MYO10: variants seen among roughly 807,000 people sequenced by gnomAD.
MYO10 encodes myosin X.
MYO10 carries 133 observed loss-of-function variants against 257.3 expected under a neutral mutation model. The observed-to-expected ratio is 0.52, with a 90% CI of 0.45 to 0.60. MYO10 has a LOEUF of 0.60. Ranked by LOEUF, MYO10 falls within the 20% of genes least tolerant of loss-of-function variation. The probability of loss-of-function intolerance (pLI) is 0.00; values close to 1 mark genes in which losing one functional copy is unlikely to be tolerated. For synonymous variants in MYO10, 1,104 were observed against 1,028.6 expected, an observed-to-expected ratio of 1.07 and a Z score of -1.40; for missense variants, 2,399 against 2,635.7, an observed-to-expected ratio of 0.91 and a Z score of 1.97.
At chr5:16,695,553 C>A (rs257050) in intron 26 of MYO10, among the ~76,000 whole-genome samples, 50,220 of 150,518 alleles carry the variant, frequency 0.33, 8,518 homozygotes, top group African/African-American at 0.38. Context: ...AGCAAGAGTA[C>A]AAACTACACT....
intron 37 of MYO10, among the ~76,000 whole-genome samples, chr5:16,672,221 G>C (rs1736498747): frequency 6.7e-6 from 1 of 148,820 alleles, no homozygotes; most frequent in African/African-American, 2.5e-5. Flanking sequence ...CTTGAACCCA[G>C]AAGGCAGAAG....
intron 3 of MYO10, among the ~76,000 whole-genome samples, chr5:16,797,772 C>A (rs1000995743): frequency 6.6e-6 from 1 of 152,334 alleles, no homozygotes; most frequent in South Asian, 2.1e-4. Flanking sequence ...TAAAAGCAGA[C>A]AGTGGCAGGA....
At chr5:16,741,300 C>T (rs75154925) in intron 19 of MYO10, among the ~76,000 whole-genome samples, 1,663 of 152,310 alleles carry the variant, frequency 0.011, 28 homozygotes, top group African/African-American at 0.038. Context: ...GATGACCATT[C>T]AACTCCGATA....
At chr5:16,786,124 C>T (rs1295303427) in intron 4 of MYO10, among the ~76,000 whole-genome samples, 1 of 11,986 alleles carries the variant, frequency 8.3e-5, no homozygotes, top group African/African-American at 5.5e-4. Context: ...CACCAGGGGC[C>T]GGAGAGGAGC....
intron 2 of MYO10, among the ~76,000 whole-genome samples, chr5:16,850,471 T>A (rs1006810348): frequency 6.6e-6 from 1 of 151,856 alleles, no homozygotes; most frequent in Non-Finnish European, 1.5e-5. Context: ...AGAGATGGGG[T>A]TTCACCATGT....
chr5:16,675,367 T>C (rs977664828), intron 34 of MYO10, among the ~76,000 whole-genome samples: 1 of 152,202 alleles, frequency 6.6e-6, no homozygotes, highest in Non-Finnish European at 1.5e-5. Flanking sequence ...TCTTACCACA[T>C]AAAATGCTTA....
chr5:16,671,120 CT>C (rs1736438915), intron 38 of MYO10, 142 bp from the exon 39 acceptor site: 1 of 818,608 alleles, frequency 1.2e-6, no homozygotes, highest in Non-Finnish European at 1.9e-6. Context: ...ACCCTCACCC[CT>C]GGCTCACTGC....
chr5:16,924,988 A>T (rs750766611), intron 1 of MYO10, among the ~76,000 whole-genome samples: 34 of 151,942 alleles, frequency 2.2e-4, no homozygotes, highest in South Asian at 6.3e-4. Context: ...CCACCACCAC[A>T]CCTGACTAAT....
chr5:16,695,211 G>A (rs572125738), intron 26 of MYO10, among the ~76,000 whole-genome samples: 3 of 152,280 alleles, frequency 2.0e-5, no homozygotes, highest in East Asian at 1.9e-4. Flanking sequence ...GTGCGTGCCT[G>A]TAATCCCAGC....
chr5:16,868,964 C>A (rs745310586), intron 2 of MYO10, among the ~76,000 whole-genome samples: 7 of 152,172 alleles, frequency 4.6e-5, no homozygotes, highest in African/African-American at 1.4e-4. Context: ...TCCTTAAAGA[C>A]TGAATGAAAT....
intron 2 of MYO10, among the ~76,000 whole-genome samples, chr5:16,854,999 C>G (rs961785408): frequency 5.3e-5 from 8 of 152,000 alleles, no homozygotes; most frequent in Middle Eastern, 3.4e-3. Flanking sequence ...CGCCATTGCA[C>G]TCAGCCCAGA....
At position 16,753,259 on chromosome 5, in the gene MYO10, C is replaced by T. The variant is rs557618667; in HGVS notation, c.1929+1569G>A. ...TCAGCTCACTGCAAGCTCCGCCTCC[C>T]GGGTTCAGGCAATTCTCCTGCCTCA... On this transcript the variant is annotated intron_variant, in intron 19 of 40. Coordinates refer to ENST00000513610, the MANE Select transcript of MYO10 (RefSeq NM_012334.3). 1.3e-4 allele frequency among the ~76,000 whole-genome samples: 20 copies of T among 151,978 alleles called. No homozygotes were observed. In the East Asian group the frequency reaches 1.6e-3, roughly 12 times the overall value.
At position 16,675,130 on chromosome 5, in the gene MYO10, T is replaced by C. The variant is rs1307599065; in HGVS notation, c.4687A>G (p.Thr1563Ala). The C allele has an allele frequency of 5.6e-6, 9 of 1,613,760 alleles. No homozygotes were observed. Among genetic ancestry groups the C allele is most frequent in the Non-Finnish European group, 7.6e-6 (9 of 1,179,890 alleles). ...TTGATGGCCTCATCCTGAAGGGTGG[T>C]ATAGCCTTTGTCTTTGAGCACTAGG... Reference protein sequence around the residue: ...NLNLLKDKGYTTLQDEAIKIF... With the variant: ...NLNLLKDKGYATLQDEAIKIF... The change falls in exon 35 of 41, where the codon ACC becomes GCC. Residue 1563 changes from threonine (T) to alanine (A), a missense_variant. This residue lies in a region of MYO10 where 1,820 missense variants were observed against 1,939.4 expected (regional missense o/e 0.94). Transcript: ENST00000513610.
Position 16,694,590 on chromosome 5 carries a change from C to T in MYO10, c.3581G>A (p.Arg1194His), listed in dbSNP as rs765680273. Residue 1194 changes from arginine (R) to histidine (H), a missense_variant, in exon 27 of 41, where the codon CGC (arginine) becomes CAC (histidine). Arg to His is a conservative substitution (Grantham distance 29). Transcript: ENST00000513610. ...TTCATCCTTGAGGACGCACCAGCGG[C>T]GTTTCCAAGAGTTCATCAGGCCACC... ...MKGGLMNSWK[R>H]RWCVLKDETF... 4 of 1,613,722 alleles carry T rather than the reference C, an allele frequency of 2.5e-6. No homozygotes were observed. The highest frequency in any genetic ancestry group is 1.1e-5 in the South Asian group (1 of 91,076).
chr5:16,662,123 A>G lies in MYO10; in HGVS notation c.*4569T>C. 1 of 152,074 alleles carries G rather than the reference A, an allele frequency of 6.6e-6. No homozygotes were observed. The highest frequency in any genetic ancestry group is 1.5e-5 in the Non-Finnish European group (1 of 68,012). The allele number at this position is 152,074 out of a possible 1,614,324, so 9.4% of individuals were successfully genotyped here. On this transcript the variant is annotated 3_prime_UTR_variant, in exon 41 of 41. Coordinates refer to ENST00000513610, the MANE Select transcript of MYO10 (RefSeq NM_012334.3). ...GTACTGGCTAAATTTAGCTTTATGC[A>G]CTTGTTTTGTCCCCTATTACAGTAT...
At chr5:16,896,622 G>A (rs931784646) in intron 1 of MYO10, among the ~76,000 whole-genome samples, 8 of 151,992 alleles carry the variant, frequency 5.3e-5, no homozygotes, top group African/African-American at 1.7e-4. Context: ...GGAAAGAAAT[G>A]GTCTAGAAAG....
At position 16,764,328 on chromosome 5, in the gene MYO10, C is replaced by T. The variant is rs991277740; in HGVS notation, c.1248G>A (p.Lys416=). Residue 416 remains lysine (K), a synonymous_variant, in exon 12 of 41, where the codon AAG becomes AAA. Transcript: ENST00000513610. ...YACCFEWVIK[K]INSRIKGNED... is the part of the protein sequence containing the mutation. ...CATTGCCTTTGATCCTGCTGTTGAT[C>T]TTCTTGATTACCCACTCAAAGCAGC... is the stretch of plus-strand genomic sequence containing the variant. The T allele has an allele frequency of 6.2e-7, 1 of 1,613,906 alleles. No homozygotes were observed. The highest frequency in any genetic ancestry group is 8.5e-7 in the Non-Finnish European group (1 of 1,179,876).
intron 4 of MYO10, among the ~76,000 whole-genome samples, chr5:16,792,132 C>CACACACAG (rs755315207): frequency 2.3e-4 from 17 of 75,290 alleles, no homozygotes; most frequent in African/African-American, 4.9e-4. Context: ...CACACACACA[C>CACACACAG]AGAGAGAGAG....
intron 2 of MYO10, among the ~76,000 whole-genome samples, chr5:16,820,342 C>A (rs1406669490): frequency 6.6e-6 from 1 of 152,166 alleles, no homozygotes; most frequent in Non-Finnish European, 1.5e-5. Context: ...GAGCTACAAC[C>A]AGACAGGTAC....
Sources: allele counts gnomAD v4.1 joint callset (sites outside exome capture counted in the v4.1 genomes callset), GRCh38; gene constraint gnomAD v4.1.1; regional missense constraint gnomAD v4.1.1; transcripts MANE v1.5; gene names NCBI Gene and HGNC (gene_info 2026-07-23, HGNC 2026-07-21).